SEMA5A: variants seen among roughly 807,000 people sequenced by gnomAD.
SEMA5A encodes semaphorin-5A.
In SEMA5A, 55 loss-of-function variants were observed where a neutral mutation model predicts 135.5. The observed-to-expected ratio is 0.41, with a 90% confidence interval of 0.33 to 0.51. SEMA5A has a LOEUF of 0.51. Ranked by LOEUF, SEMA5A falls within the 20% of genes least tolerant of loss-of-function variation. The pLI, the probability that SEMA5A is intolerant of heterozygous loss-of-function variation, is 0.37. For synonymous variants in SEMA5A, 580 were observed against 546.5 expected, an observed-to-expected ratio of 1.06 and a Z score of -0.85; for missense variants, 1,290 against 1,419.9, an observed-to-expected ratio of 0.91 and a Z score of 1.47.
At chr5:9,219,104 C>T (rs1269219720) in intron 8 of SEMA5A, among the ~76,000 whole-genome samples, 1 of 152,238 alleles carries the variant, frequency 6.6e-6, no homozygotes, top group African/African-American at 2.4e-5. Flanking sequence ...GCCCCAAGGG[C>T]CAAGCCTCAG....
chr5:9,077,365 A>T (rs1738125784), intron 16 of SEMA5A, among the ~76,000 whole-genome samples: 1 of 152,208 alleles, frequency 6.6e-6, no homozygotes. Flanking sequence ...CTCTGGGGAG[A>T]GGTTAATGAT....
At chr5:9,304,098 A>G (rs1025786191) in intron 5 of SEMA5A, among the ~76,000 whole-genome samples, 6 of 152,154 alleles carry the variant, frequency 3.9e-5, no homozygotes, top group African/African-American at 1.4e-4. Context: ...CTTAGACTCA[A>G]CTACTCAAAA....
chr5:9,206,828 T>C (rs1746046253), intron 8 of SEMA5A, among the ~76,000 whole-genome samples: 1 of 151,328 alleles, frequency 6.6e-6, no homozygotes, highest in Non-Finnish European at 1.5e-5. Context: ...GTTGGACCAT[T>C]GACATCTGAT....
intron 15 of SEMA5A, among the ~76,000 whole-genome samples, chr5:9,116,178 G>C (rs567144956): frequency 6.6e-6 from 1 of 152,292 alleles, no homozygotes; most frequent in African/African-American, 2.4e-5. Flanking sequence ...GCCCCAAGCA[G>C]AGGATCTAGC....
At chr5:9,184,208 A>T (rs1251071475) in intron 11 of SEMA5A, among the ~76,000 whole-genome samples, 1 of 151,332 alleles carries the variant, frequency 6.6e-6, no homozygotes, top group Non-Finnish European at 1.5e-5. Context: ...TCACAGATTT[A>T]TACAGCTGCA....
intron 1 of SEMA5A, among the ~76,000 whole-genome samples, chr5:9,528,905 G>A (rs1737286607): frequency 1.3e-5 from 2 of 152,180 alleles, no homozygotes; most frequent in Admixed American, 6.5e-5. Context: ...GTTTCACCTG[G>A]GAGCCACGAG....
intron 3 of SEMA5A, among the ~76,000 whole-genome samples, chr5:9,342,930 A>G (rs781448923): frequency 9.2e-5 from 14 of 152,212 alleles, no homozygotes; most frequent in Admixed American, 1.3e-4. Flanking sequence ...CAGCAAATAT[A>G]AAATTTAGCT....
chr5:9,135,402 C>T (rs111944926), intron 13 of SEMA5A, among the ~76,000 whole-genome samples: 196 of 151,872 alleles, frequency 1.3e-3, no homozygotes, highest in African/African-American at 4.2e-3. Flanking sequence ...AGGATGGTCT[C>T]GATCTCCTGA....
rs748701721 is a variant in SEMA5A, at chr5:9,042,934, G to C, written c.3188C>G (p.Ala1063Gly). ...PHLTGKTYSN[A>G]YFTDLNNYDE... ...ATAATTATTGAGATCTGTAAAGTAG[G>C]CATTAGAATAGGTCTTCCCAGTGAG... Residue 1063 changes from alanine to glycine, a missense_variant, in exon 23 of 23, where the codon GCC becomes GGC. Transcript: ENST00000382496. 3 of 1,613,598 alleles carry C rather than the reference G, an allele frequency of 1.9e-6. No homozygotes were observed. Among genetic ancestry groups the C allele is most frequent in the Non-Finnish European group, 1.7e-6 (2 of 1,179,654 alleles).
At chr5:9,356,909 A>C (rs1410864676) in intron 3 of SEMA5A, among the ~76,000 whole-genome samples, 1 of 152,164 alleles carries the variant, frequency 6.6e-6, no homozygotes, top group Admixed American at 6.5e-5. Flanking sequence ...CATGCACCTG[A>C]TATGAACTCC....
chr5:9,042,900 G>T lies in SEMA5A; in HGVS notation c.3222C>A (p.Tyr1074Ter), dbSNP rs1483928020. Reference sequence around the variant, plus strand: ...GAAGCCAAAAACATGAAAGCTGTTAGTACTCATCATAATTATTGAGATCTG... The same window carrying T: ...GAAGCCAAAAACATGAAAGCTGTTATTACTCATCATAATTATTGAGATCTG... ...YFTDLNNYDE[Y>*] Residue 1074 changes from tyrosine (Y) to a stop codon, truncating the protein, a stop_gained, in exon 23 of 23, where the codon TAC becomes TAA. Transcript: ENST00000382496. LOFTEE classifies it high-confidence loss of function. 1.9e-6 allele frequency: 3 copies of T among 1,613,996 alleles called. No individual in the cohort carries two copies. The Admixed American group carries it at 5.0e-5, about 27-fold the overall frequency.
intron 15 of SEMA5A, among the ~76,000 whole-genome samples, chr5:9,115,328 G>A (rs1740455180): frequency 6.6e-6 from 1 of 152,144 alleles, no homozygotes; most frequent in African/African-American, 2.4e-5. Context: ...GAGTCCAGAA[G>A]GCAGAGCCAA....
intron 16 of SEMA5A, among the ~76,000 whole-genome samples, chr5:9,104,706 G>A (rs1023449884): frequency 3.3e-5 from 5 of 152,160 alleles, no homozygotes; most frequent in Non-Finnish European, 7.3e-5. Flanking sequence ...TGACTCAGAG[G>A]CAGAGCCCCT....
At chr5:9,225,975 C>T (rs1378636093) in intron 7 of SEMA5A, among the ~76,000 whole-genome samples, 1 of 152,098 alleles carries the variant, frequency 6.6e-6, no homozygotes, top group Non-Finnish European at 1.5e-5. Context: ...GTCTCAGGTT[C>T]TTCTTTCATA....
chr5:9,118,973 T>G (rs1197271310), intron 15 of SEMA5A, 25 bp downstream of exon 15: 6 of 1,607,476 alleles, frequency 3.7e-6, no homozygotes, highest in Admixed American at 1.7e-5. Context: ...AGGCTGGCGG[T>G]GCTGGCAGCA....
At chr5:9,425,004 C>T (rs1757594258) in intron 2 of SEMA5A, among the ~76,000 whole-genome samples, 1 of 152,166 alleles carries the variant, frequency 6.6e-6, no homozygotes, top group Non-Finnish European at 1.5e-5. Context: ...CATATCCCAC[C>T]ACTGCTTCTC....
intron 1 of SEMA5A, among the ~76,000 whole-genome samples, chr5:9,482,824 G>A (rs976438119): frequency 2.0e-5 from 3 of 152,338 alleles, no homozygotes; most frequent in East Asian, 1.9e-4. Context: ...TTTGACAGGC[G>A]ATTTGTGTGT....
intron 5 of SEMA5A, among the ~76,000 whole-genome samples, chr5:9,292,570 T>A (rs1392203626): frequency 6.6e-6 from 1 of 152,132 alleles, no homozygotes; most frequent in Non-Finnish European, 1.5e-5. Flanking sequence ...CCAAAGGGAA[T>A]TTACAGAAAT....
In SEMA5A at chr5:9,042,852, C is replaced by T. The variant is rs1328293902; in HGVS notation, c.*45G>A. ...ACATGGGCAGTCATGGGGCACAGGC[C>T]TTGAGGAACTGGGGATTTACAAGAA... is the stretch of plus-strand genomic sequence containing the variant. On this transcript the variant is annotated 3_prime_UTR_variant, in exon 23 of 23. Coordinates refer to ENST00000382496, the MANE Select transcript of SEMA5A (RefSeq NM_003966.3). 1 of 1,610,774 alleles carries T rather than the reference C, an allele frequency of 6.2e-7. No individual in the cohort carries two copies. Among genetic ancestry groups the T allele is most frequent in the Non-Finnish European group, 8.5e-7 (1 of 1,177,724 alleles).
Sources: gnomAD v4.1 joint callset for allele counts (sites outside exome capture counted in the v4.1 genomes callset) on GRCh38, gnomAD v4.1.1 for gene constraint, MANE v1.5 for transcripts, NCBI Gene and HGNC (gene_info 2026-07-23, HGNC 2026-07-21) for gene names.